Variants in ADAMTSL1 observed in about 807,000 individuals in gnomAD.
ADAMTSL1 encodes ADAMTS-like protein 1.
ADAMTSL1 carries 126 observed loss-of-function variants against 201.8 expected under a neutral mutation model. That is an observed-to-expected ratio of 0.62 (90% CI 0.54 to 0.72). The LOEUF is 0.72. Among genes scored for constraint, ADAMTSL1 ranks in the 30% least tolerant of loss-of-function variants. ADAMTSL1 has a pLI of 0.00. For synonymous variants in ADAMTSL1, 1,121 were observed against 903.4 expected, an observed-to-expected ratio of 1.24 and a Z score of -4.32; for missense variants, 2,679 against 2,277.8, an observed-to-expected ratio of 1.18 and a Z score of -3.59.
intron 1 of ADAMTSL1, among the ~76,000 whole-genome samples, chr9:18,070,228 G>T (rs927457673): frequency 6.6e-6 from 1 of 152,196 alleles, no homozygotes; most frequent in Non-Finnish European, 1.5e-5. Context: ...GTCTAGTGAA[G>T]CTGAGGGAGG....
chr9:18,262,606 G>C (rs1831966844), intron 2 of ADAMTSL1, among the ~76,000 whole-genome samples: 1 of 151,972 alleles, frequency 6.6e-6, no homozygotes, highest in African/African-American at 2.4e-5. Flanking sequence ...AAAAACCCAG[G>C]GAAAAATGGG....
chr9:18,164,340 T>C (rs562250015), intron 2 of ADAMTSL1, among the ~76,000 whole-genome samples: 1 of 151,902 alleles, frequency 6.6e-6, no homozygotes, highest in Admixed American at 6.6e-5. Context: ...CCAGATTGTT[T>C]TATGGGTCAG....
chr9:18,566,448 G>C (rs1444907783), intron 3 of ADAMTSL1, among the ~76,000 whole-genome samples: 1 of 152,196 alleles, frequency 6.6e-6, no homozygotes, highest in Admixed American at 6.5e-5. Flanking sequence ...GGGTGACTAA[G>C]TGTTATAGGA....
chr9:18,113,876 T>C (rs554889625), intron 1 of ADAMTSL1, among the ~76,000 whole-genome samples: 61 of 152,246 alleles, frequency 4.0e-4, no homozygotes, highest in African/African-American at 1.2e-3. Context: ...ACTTTGTAGA[T>C]GAGGAAACTG....
At chr9:18,190,239 C>T (rs980613486) in intron 2 of ADAMTSL1, among the ~76,000 whole-genome samples, 22 of 152,108 alleles carry the variant, frequency 1.4e-4, no homozygotes, top group African/African-American at 5.1e-4. Flanking sequence ...AAGAAGACAG[C>T]TTATTTTCAT....
chr9:18,059,911 T>C (rs1822375002), intron 1 of ADAMTSL1, among the ~76,000 whole-genome samples: 2 of 152,180 alleles, frequency 1.3e-5, no homozygotes, highest in Non-Finnish European at 2.9e-5. Context: ...GACTCAAAAG[T>C]CCTTAACAAA....
intron 4 of ADAMTSL1, among the ~76,000 whole-genome samples, chr9:18,617,400 A>G (rs2081330829): frequency 1.3e-5 from 2 of 149,940 alleles, no homozygotes; most frequent in African/African-American, 4.9e-5. Context: ...GAAGGAAGAA[A>G]CCCCTACTGC....
At chr9:18,879,858 C>G (rs1421522968) in intron 23 of ADAMTSL1, among the ~76,000 whole-genome samples, 1 of 152,214 alleles carries the variant, frequency 6.6e-6, no homozygotes, top group Non-Finnish European at 1.5e-5. Flanking sequence ...ACATTTTACT[C>G]ACAGTTGAAC....
intron 2 of ADAMTSL1, among the ~76,000 whole-genome samples, chr9:18,523,407 T>C (rs1818827090): frequency 6.6e-6 from 1 of 152,210 alleles, no homozygotes. Flanking sequence ...TTCACTATGA[T>C]GGTAGTTTCT....
At chr9:18,517,642 C>T (rs1818440188) in intron 2 of ADAMTSL1, among the ~76,000 whole-genome samples, 1 of 147,164 alleles carries the variant, frequency 6.8e-6, no homozygotes, top group African/African-American at 2.5e-5. Flanking sequence ...TTGTTCAATT[C>T]CCACCTATGA....
intron 2 of ADAMTSL1, among the ~76,000 whole-genome samples, chr9:18,272,943 G>A (rs1474920716): frequency 2.6e-5 from 4 of 152,140 alleles, no homozygotes; most frequent in African/African-American, 9.7e-5. Flanking sequence ...ATTTTTAATG[G>A]GTAAGTGCAT....
At chr9:18,591,724 G>A (rs1083111) in intron 4 of ADAMTSL1, among the ~76,000 whole-genome samples, 93,616 of 151,936 alleles carry the variant, frequency 0.62, 28,996 homozygotes, top group East Asian at 0.69. Context: ...TTATTAACCA[G>A]AATAGGAGCC....
At chr9:18,472,734 A>G (rs1475710050), upstream of ADAMTSL1, among the ~76,000 whole-genome samples, 1 of 152,208 alleles carries the variant, frequency 6.6e-6, no homozygotes, top group Non-Finnish European at 1.5e-5. Context: ...TAATAATGAA[A>G]GGAAAGAACA....
chr9:17,915,877 A>T (rs1588409394), intron 1 of ADAMTSL1, among the ~76,000 whole-genome samples: 1 of 152,132 alleles, frequency 6.6e-6, no homozygotes, highest in Non-Finnish European at 1.5e-5. Context: ...AGCCCATTAT[A>T]GGATTGTTAG....
intron 2 of ADAMTSL1, among the ~76,000 whole-genome samples, chr9:18,454,696 T>C (rs1185534428): frequency 1.3e-5 from 2 of 152,210 alleles, no homozygotes; most frequent in Non-Finnish European, 2.9e-5. Context: ...TTAATTTTTC[T>C]ACTAGTTTAT....
chr9:18,266,562 C>T (rs1354537233), intron 2 of ADAMTSL1, among the ~76,000 whole-genome samples: 1 of 152,138 alleles, frequency 6.6e-6, no homozygotes, highest in East Asian at 1.9e-4. Flanking sequence ...TCTGGGAAAG[C>T]TAAAACTTGA....
At chr9:18,770,393 C>T (rs1489410537) in intron 16 of ADAMTSL1, among the ~76,000 whole-genome samples, 1 of 152,122 alleles carries the variant, frequency 6.6e-6, no homozygotes, top group African/African-American at 2.4e-5. Context: ...TAGTTAAATA[C>T]CTGGGATTAA....
In ADAMTSL1 at chr9:18,900,051, G is replaced by T. The variant is rs547632928; in HGVS notation, c.4852-5731G>T. Among the ~76,000 whole-genome samples, 236 of 152,160 alleles carry T rather than the reference G, an allele frequency of 1.6e-3. 2 individuals carry two copies. The highest frequency in any genetic ancestry group is 5.3e-3 in the African/African-American group (219 of 41,520). ...TTTGCAATCTATCCATCTGACAAAG[G>T]TCTAAATCCAGTCAAGAGGAACTTA... On this transcript the variant is annotated intron_variant, in intron 26 of 28. Transcript: ENST00000380548.
chr9:18,532,883 T>C (rs1819529564), intron 2 of ADAMTSL1, among the ~76,000 whole-genome samples: 1 of 151,896 alleles, frequency 6.6e-6, no homozygotes, highest in Non-Finnish European at 1.5e-5. Flanking sequence ...AAGATCTAAG[T>C]TTTTCAGTGA....
Sources: allele counts gnomAD v4.1 joint callset (sites outside exome capture counted in the v4.1 genomes callset), GRCh38; gene constraint gnomAD v4.1.1; transcripts MANE v1.5; gene names NCBI Gene and HGNC (gene_info 2026-07-23, HGNC 2026-07-21).